The following BANF2 variants were observed in gnomAD, a reference collection of about 807,000 sequenced individuals.
BANF2 encodes BANF family member 2.
A neutral mutation model predicts 8.0 loss-of-function variants in BANF2; 4 were observed. The observed-to-expected ratio is 0.50, with a 90% CI of 0.25 to 1.14. The LOEUF (loss-of-function observed/expected upper bound fraction) is 1.14. Ranked by LOEUF, BANF2 falls within the 50% of genes most tolerant of loss-of-function variation. The pLI, the probability that BANF2 is intolerant of heterozygous loss-of-function variation, is 0.16. For synonymous variants in BANF2, 50 were observed against 40.6 expected (o/e 1.23, Z -0.88); for missense variants, 96 against 107.5 (o/e 0.89, Z 0.47).
chr20:17,726,170 T>G (rs561986261), intron 3 of BANF2, among the ~76,000 whole-genome samples: 1 of 152,212 alleles, frequency 6.6e-6, no homozygotes, highest in East Asian at 1.9e-4. Context: ...TGAAAAAATT[T>G]TTGTACTTTT....
At chr20:17,728,553 T>C (rs1020125478) in intron 3 of BANF2, among the ~76,000 whole-genome samples, 2 of 152,158 alleles carry the variant, frequency 1.3e-5, no homozygotes, top group South Asian at 2.1e-4. Context: ...GTCTTTCAGC[T>C]TTTTTTAATG....
At chr20:17,710,693 T>C (rs2037556976) in intron 1 of BANF2, among the ~76,000 whole-genome samples, 1 of 152,246 alleles carries the variant, frequency 6.6e-6, no homozygotes, top group African/African-American at 2.4e-5. Flanking sequence ...GACAAGCTGC[T>C]GCAGTGATCT....
chr20:17,717,693 A>AAAAGAAAT (rs1296051266), intron 1 of BANF2, among the ~76,000 whole-genome samples: 1 of 152,222 alleles, frequency 6.6e-6, no homozygotes, highest in Non-Finnish European at 1.5e-5. Flanking sequence ...ATTAAGTTCC[A>AAAAGAAAT]AAAGAAATAT....
rs370940403 is a variant in BANF2, at chr20:17,694,002, G to A, written c.18+296G>A. 8.5e-5 allele frequency among the ~76,000 whole-genome samples: 13 copies of A among 152,360 alleles called. 1 individual carries two copies. In the East Asian group the frequency reaches 1.2e-3, roughly 14 times the overall value. ...TCAGCCACTGGGGTGGGAACAAGCA[G>A]CATTTGCCTCACAGTCTCTCCTTGT... On this transcript the variant is annotated intron_variant, in intron 1 of 2. Transcript: ENST00000545418.
At chr20:17,710,024 A>G (rs1413104421) in intron 1 of BANF2, among the ~76,000 whole-genome samples, 1 of 152,246 alleles carries the variant, frequency 6.6e-6, no homozygotes, top group African/African-American at 2.4e-5. Flanking sequence ...AGTTACTGCC[A>G]TGAGCACTGG....
intron 1 of BANF2, among the ~76,000 whole-genome samples, chr20:17,714,846 C>A (rs910462828): frequency 5.9e-5 from 9 of 152,136 alleles, no homozygotes; most frequent in African/African-American, 2.2e-4. Flanking sequence ...CATGTCAGTT[C>A]AGGCCAGCAT....
chr20:17,702,760 T>G (rs2037427789), intron 1 of BANF2, among the ~76,000 whole-genome samples: 1 of 152,216 alleles, frequency 6.6e-6, no homozygotes, highest in South Asian at 2.1e-4. Context: ...ACCCTGGTTC[T>G]GATCTGCTTC....
At position 17,721,474 on chromosome 20, in the gene BANF2, C is replaced by T. The variant is rs186880620; in HGVS notation, c.-166-1242C>T. On this transcript the variant is annotated intron_variant, in intron 1 of 3. Transcript: ENST00000246090. ...TGGCGCAATCTCAGCTCACTGCAAC[C>T]TCCACCTCCCAGGTTCAAGCAATTC... is the stretch of plus-strand genomic sequence containing the variant. Among the ~76,000 whole-genome samples, 435 of 151,980 alleles carry T rather than the reference C, an allele frequency of 2.9e-3. 2 individuals carry two copies. Among genetic ancestry groups the T allele is most frequent in the African/African-American group, 9.6e-3 (398 of 41,438 alleles).
rs1201242247 is a variant in BANF2 at position 17,735,670 on chromosome 20, C to T, written c.132C>T (p.Tyr44=). ...NLVTKGINKA[Y]ILLGQFLLMH... ...CTGTCTCATCCCCTCCCCAGGCCTA[C>T]ATCCTGCTGGGACAATTCCTTCTGA... The change falls in exon 4 of 4, where the codon TAC becomes TAT. Residue 44 remains tyrosine, a synonymous_variant. Transcript: ENST00000246090. 6 of 1,613,788 alleles carry T rather than the reference C, an allele frequency of 3.7e-6. No homozygotes were observed. Among genetic ancestry groups the T allele is most frequent in the Admixed American group, 3.3e-5 (2 of 60,024 alleles).
intron 3 of BANF2, among the ~76,000 whole-genome samples, chr20:17,733,351 G>A (rs1358656988): frequency 1.3e-5 from 2 of 152,220 alleles, no homozygotes; most frequent in African/African-American, 2.4e-5. Flanking sequence ...GGATTAAAAC[G>A]TGTCAGGTGT....
At chr20:17,694,814 GTC>G (rs1212783083) in intron 1 of BANF2, among the ~76,000 whole-genome samples, 1 of 151,602 alleles carries the variant, frequency 6.6e-6, no homozygotes, top group East Asian at 1.9e-4. Context: ...TAGAGACAGG[GTC>G]TCACTTGGTT....
chr20:17,702,321 C>A (rs1328705050), intron 1 of BANF2, among the ~76,000 whole-genome samples: 2 of 152,208 alleles, frequency 1.3e-5, no homozygotes, highest in Non-Finnish European at 1.5e-5. Context: ...GTTTCACTGG[C>A]CCGGCCCCTC....
intron 1 of BANF2, among the ~76,000 whole-genome samples, chr20:17,700,481 G>A (rs1280481512): frequency 6.6e-6 from 1 of 152,220 alleles, no homozygotes; most frequent in African/African-American, 2.4e-5. Context: ...AGCTGACACA[G>A]CCACCTCCCG....
rs950173727 is a variant in BANF2 at position 17,735,546 on chromosome 20, G to A, written c.127-119G>A. On this transcript the variant is annotated intron_variant, in intron 3 of 3. Transcript: ENST00000246090. ...AAGGACTGACAGGCTCCCTTGAATC[G>A]GCCCTGCTCCCCCTCCTTTGATTGT... 6 of 1,212,642 alleles carry A rather than the reference G, an allele frequency of 4.9e-6. No homozygotes were observed. In the Middle Eastern group the frequency reaches 7.3e-4, roughly 147 times the overall value. 75.1% of individuals were successfully genotyped at this position (1,212,642 alleles called of 1,614,324 possible). A position where few individuals can be genotyped will look rare whatever the true frequency, so the allele number is the denominator to read the frequency against.
chr20:17,707,125 T>G (rs1425131861), intron 1 of BANF2, among the ~76,000 whole-genome samples: 1 of 152,220 alleles, frequency 6.6e-6, no homozygotes, highest in African/African-American at 2.4e-5. Flanking sequence ...GGCTCACGCC[T>G]GTAATCCCAG....
intron 1 of BANF2, chr20:17,693,738 CG>C: frequency 6.4e-7 from 1 of 1,550,752 alleles, no homozygotes; most frequent in Non-Finnish European, 8.7e-7. Flanking sequence ...TCCTTGCTCA[CG>C]GTGGGGAAGA....
chr20:17,697,778 C>T (rs926209016), upstream of BANF2, among the ~76,000 whole-genome samples: 9 of 152,134 alleles, frequency 5.9e-5, no homozygotes, highest in South Asian at 1.0e-3. Flanking sequence ...CCAAATCTCA[C>T]GTTGAAAAGT....
At chr20:17,726,036 T>G (rs1263228725) in intron 3 of BANF2, among the ~76,000 whole-genome samples, 2 of 152,166 alleles carry the variant, frequency 1.3e-5, no homozygotes, top group African/African-American at 4.8e-5. Context: ...CACCCCAATC[T>G]GTGAGCCAGT....
chr20:17,698,921 T>C (rs2037374876), upstream of BANF2, among the ~76,000 whole-genome samples: 1 of 152,204 alleles, frequency 6.6e-6, no homozygotes, highest in African/African-American at 2.4e-5. Flanking sequence ...GCAATACTAT[T>C]TCAGGATCAA....
Sources: allele counts gnomAD v4.1 joint callset (sites outside exome capture counted in the v4.1 genomes callset), GRCh38; gene constraint gnomAD v4.1.1; transcripts MANE v1.5; gene names NCBI Gene and HGNC (gene_info 2026-07-23, HGNC 2026-07-21).